ANKH: variants seen among roughly 807,000 people sequenced by gnomAD.
ANKH encodes the protein ANKH inorganic pyrophosphate transport regulator.
ANKH carries 15 observed loss-of-function variants against 49.0 expected under a neutral mutation model. The ratio of observed to expected loss-of-function variants is 0.31; its 90% CI spans 0.20 to 0.47. The LOEUF (loss-of-function observed/expected upper bound fraction) is 0.47. Ranked by LOEUF, ANKH falls within the 20% of genes least tolerant of loss-of-function variation. The pLI is 1.00. For synonymous variants in ANKH, 273 were observed against 260.0 expected, an observed-to-expected ratio of 1.05 and a Z score of -0.48; for missense variants, 429 against 652.0, an observed-to-expected ratio of 0.66 and a Z score of 3.72.
At chr5:14,820,529 A>T (rs1741168526) in intron 1 of ANKH, among the ~76,000 whole-genome samples, 1 of 152,236 alleles carries the variant, frequency 6.6e-6, no homozygotes, top group African/African-American at 2.4e-5. Flanking sequence ...AGACACCACA[A>T]TTAGGGAGAT....
chr5:14,859,214 T>C (rs1735401792), intron 1 of ANKH, among the ~76,000 whole-genome samples: 1 of 152,196 alleles, frequency 6.6e-6, no homozygotes, highest in South Asian at 2.1e-4. Context: ...CTACCTTCTA[T>C]CTCTACAAAC....
intron 1 of ANKH, among the ~76,000 whole-genome samples, chr5:14,793,060 A>AAAAT (rs1395909239): frequency 8.3e-5 from 3 of 36,052 alleles, no homozygotes; most frequent in African/African-American, 1.6e-4. Flanking sequence ...ATATATATAA[A>AAAAT]ATATATATAA....
rs765530507 is a variant in ANKH at position 14,706,970 on chromosome 5, G to A, written c.*4227C>T. 13 of 152,172 alleles carry A rather than the reference G, an allele frequency of 8.5e-5. No individual in the cohort carries two copies. The highest frequency in any genetic ancestry group is 1.6e-4 in the Non-Finnish European group (11 of 68,042). The allele number at this position is 152,172 out of a possible 1,614,324, so 9.4% of individuals were successfully genotyped here. A position where few individuals can be genotyped will look rare whatever the true frequency, so the allele number is the denominator to read the frequency against. On this transcript the variant is annotated 3_prime_UTR_variant, in exon 12 of 12. Transcript: ENST00000284268. The stretch of plus-strand genomic sequence containing the variant: ...CAATGCAGACATCTCAACACTCCAC[G>A]TCTTTCAAAGCTCTTCCTCACACTC...
intron 8 of ANKH, among the ~76,000 whole-genome samples, chr5:14,718,759 G>A (rs937758780): frequency 1.5e-4 from 22 of 150,318 alleles, no homozygotes; most frequent in African/African-American, 5.1e-4. Context: ...GTGGTGAGCT[G>A]AGATGGTGCC....
At chr5:14,834,923 G>A (rs1222121216) in intron 1 of ANKH, among the ~76,000 whole-genome samples, 2 of 152,190 alleles carry the variant, frequency 1.3e-5, no homozygotes, top group Non-Finnish European at 1.5e-5. Context: ...AGCACTCTGA[G>A]CAGTCACCAG....
intron 1 of ANKH, among the ~76,000 whole-genome samples, chr5:14,829,184 CAAAAAAAAAAAAA>C (rs56223225): frequency 1.9e-5 from 2 of 106,016 alleles, no homozygotes; most frequent in Middle Eastern, 4.9e-3. Flanking sequence ...GACTCTGTCT[CAAAAAAAAAAAAA>C]AAAAAAAAAA....
intron 1 of ANKH, among the ~76,000 whole-genome samples, chr5:14,828,833 G>A (rs999308067): frequency 4.7e-4 from 71 of 152,246 alleles, no homozygotes; most frequent in African/African-American, 1.7e-3. Flanking sequence ...CCAAGTCATA[G>A]GTACATATCT....
chr5:14,855,075 C>T (rs1184421503), intron 1 of ANKH, among the ~76,000 whole-genome samples: 1 of 152,184 alleles, frequency 6.6e-6, no homozygotes, highest in African/African-American at 2.4e-5. Flanking sequence ...TGCCGTTCCC[C>T]TGGTCTTATT....
intron 3 of ANKH, among the ~76,000 whole-genome samples, chr5:14,757,433 T>TATCC (rs1309417967): frequency 8.0e-6 from 1 of 124,242 alleles, no homozygotes; most frequent in East Asian, 2.1e-4. Context: ...TATATATATT[T>TATCC]TTTTTTTTTT....
chr5:14,818,776 T>C (rs1741117547), intron 1 of ANKH, among the ~76,000 whole-genome samples: 1 of 151,956 alleles, frequency 6.6e-6, no homozygotes, highest in Non-Finnish European at 1.5e-5. Context: ...ATTCTGCCCT[T>C]GATTCTTTTA....
intron 1 of ANKH, among the ~76,000 whole-genome samples, chr5:14,812,117 TA>T (rs55728743): frequency 0.043 from 5,474 of 126,454 alleles, 246 homozygotes; most frequent in African/African-American, 0.12. Context: ...GTATTTATCT[TA>T]AAAAAAAAAA....
At chr5:14,743,385 A>T (rs2126470247) in intron 7 of ANKH, among the ~76,000 whole-genome samples, 1 of 152,340 alleles carries the variant, frequency 6.6e-6, no homozygotes, top group Non-Finnish European at 1.5e-5. Flanking sequence ...GGGCACTGTG[A>T]TTTGCAAAAT....
chr5:14,764,967 G>A (rs976144545), intron 2 of ANKH, among the ~76,000 whole-genome samples: 6 of 152,178 alleles, frequency 3.9e-5, no homozygotes, highest in African/African-American at 1.2e-4. Flanking sequence ...CGACATCTTC[G>A]TGAATTAGGA....
chr5:14,734,260 G>A (rs1738098939), intron 8 of ANKH, among the ~76,000 whole-genome samples: 2 of 147,680 alleles, frequency 1.4e-5, no homozygotes, highest in South Asian at 4.3e-4. Context: ...ACTCACCCCC[G>A]TCACTCTCTT....
intron 8 of ANKH, among the ~76,000 whole-genome samples, chr5:14,734,526 T>G (rs1238508474): frequency 6.6e-6 from 1 of 152,238 alleles, no homozygotes; most frequent in African/African-American, 2.4e-5. Context: ...AACACTATGA[T>G]AGCTCTGCTT....
chr5:14,733,524 T>C lies in ANKH; in HGVS notation c.1011+8303A>G, dbSNP rs143245516. ...CAGAGTGTTTTTTGATTGTTTTCTTTTGTTCCTGTGTCAAATGATATGTTA... is the reference window on the plus strand; with the variant it reads ...CAGAGTGTTTTTTGATTGTTTTCTTCTGTTCCTGTGTCAAATGATATGTTA... On this transcript the variant is annotated intron_variant, in intron 8 of 11. Coordinates refer to ENST00000284268, the MANE Select transcript of ANKH (RefSeq NM_054027.6). Among the ~76,000 whole-genome samples the C allele has an allele frequency of 1.1e-4, 17 of 152,342 alleles. No homozygotes were observed. In the East Asian group the frequency reaches 3.1e-3, roughly 28 times the overall value.
chr5:14,714,880 C>T (rs893060101), intron 9 of ANKH, among the ~76,000 whole-genome samples: 2 of 152,216 alleles, frequency 1.3e-5, no homozygotes, highest in Non-Finnish European at 2.9e-5. Flanking sequence ...CACTCCAGGC[C>T]CCTCCTCTGG....
chr5:14,725,976 C>A lies in ANKH; in HGVS notation c.1012-9141G>T, dbSNP rs914278020. Among the ~76,000 whole-genome samples, 3 of 152,156 alleles carry A rather than the reference C, an allele frequency of 2.0e-5. No homozygotes were observed. Among genetic ancestry groups the A allele is most frequent in the Non-Finnish European group, 4.4e-5 (3 of 68,028 alleles). ...GAAAAACATTTTTAAATAAAACAGA[C>A]CCCTGTAGATGTCTTCACGGATATC... On this transcript the variant is annotated intron_variant, in intron 8 of 11. Coordinates refer to ENST00000284268, the MANE Select transcript of ANKH (RefSeq NM_054027.6). This position sits in a 1 kb window ranked among gnomAD's most constrained non-coding sequence, Gnocchi z 4.0.
chr5:14,757,755 C>A (rs1003350237), intron 3 of ANKH, among the ~76,000 whole-genome samples: 3 of 152,072 alleles, frequency 2.0e-5, no homozygotes, highest in Non-Finnish European at 4.4e-5. Flanking sequence ...CTGCCACCTA[C>A]CAGAACTTGT....
Sources: allele counts gnomAD v4.1 joint callset (sites outside exome capture counted in the v4.1 genomes callset), GRCh38; gene constraint gnomAD v4.1.1; non-coding constraint Gnocchi (gnomAD v3.1); transcripts MANE v1.5; gene names NCBI Gene and HGNC (gene_info 2026-07-23, HGNC 2026-07-21).